The following R3HDM1 variants were observed in gnomAD, a reference collection of about 807,000 sequenced individuals.
R3HDM1 encodes R3H domain-containing protein 1.
R3HDM1 carries 46 observed loss-of-function variants against 141.1 expected under a neutral mutation model. The ratio of observed to expected loss-of-function variants is 0.33; its 90% CI spans 0.26 to 0.42. The LOEUF is 0.42. Ranked by LOEUF, R3HDM1 falls within the 10% of genes least tolerant of loss-of-function variation. The pLI is 1.00. For synonymous variants in R3HDM1, 435 were observed against 472.9 expected, an observed-to-expected ratio of 0.92 and a Z score of 1.04; for missense variants, 1,184 against 1,368.3, an observed-to-expected ratio of 0.87 and a Z score of 2.12.
intron 21 of R3HDM1, among the ~76,000 whole-genome samples, chr2:135,687,562 A>G (rs999966388): frequency 6.6e-6 from 1 of 150,454 alleles, no homozygotes; most frequent in Non-Finnish European, 1.5e-5. Flanking sequence ...TCCAAAAAGC[A>G]AGTATGAAAG....
chr2:135,679,066 CTTTTTTTTTT>C (rs141175748), intron 20 of R3HDM1, among the ~76,000 whole-genome samples: 25 of 70,588 alleles, frequency 3.5e-4, no homozygotes, highest in African/African-American at 1.2e-3. Flanking sequence ...GCCCGGCTTT[CTTTTTTTTTT>C]TTTTTTTTTT....
intron 7 of R3HDM1, chr2:135,623,112 G>C: frequency 7.9e-6 from 7 of 891,506 alleles, no homozygotes; most frequent in Non-Finnish European, 9.4e-6. Flanking sequence ...TAAATGCAAA[G>C]TTTTTGTTCC....
At chr2:135,578,308 A>G (rs1241810582) in intron 1 of R3HDM1, among the ~76,000 whole-genome samples, 2 of 152,214 alleles carry the variant, frequency 1.3e-5, no homozygotes, top group African/African-American at 4.8e-5. Context: ...CACAGATGTC[A>G]ACTTAATGTG....
intron 1 of R3HDM1, among the ~76,000 whole-genome samples, chr2:135,543,963 A>C (rs1453502302): frequency 1.3e-5 from 2 of 152,238 alleles, no homozygotes; most frequent in African/African-American, 4.8e-5. Flanking sequence ...AAACTCAGAG[A>C]CCTAATTGAA....
chr2:135,661,188 C>T (rs2066656875), intron 18 of R3HDM1, 82 bp from the exon 19 acceptor site: 1 of 1,510,132 alleles, frequency 6.6e-7, no homozygotes, highest in Non-Finnish European at 9.1e-7. Flanking sequence ...AATTATTACT[C>T]ATTAAACTCT....
intron 7 of R3HDM1, among the ~76,000 whole-genome samples, chr2:135,629,542 C>T (rs1015481752): frequency 4.6e-5 from 7 of 151,928 alleles, no homozygotes; most frequent in African/African-American, 1.7e-4. Context: ...GTTCAAATAA[C>T]TATATATGAC....
In R3HDM1 at chr2:135,635,933, G is replaced by A. The variant is rs1228301178; in HGVS notation, c.742G>A (p.Glu248Lys). The change falls in exon 10 of 27, where the codon GAA becomes AAA. Residue 248 changes from glutamate (E) to lysine (K), a missense_variant. Glu to Lys is a moderately conservative substitution (Grantham distance 56). Transcript: ENST00000683871. ...FNEHIKDDKG[E>K]DFQKRYILKR... ...TGAACATATTAAGGATGATAAAGGT[G>A]AAGACTTTCAGAAACGTTATATCCT... 1 of 1,610,396 alleles carries A rather than the reference G, an allele frequency of 6.2e-7. No individual in the cohort carries two copies. Among genetic ancestry groups the A allele is most frequent in the East Asian group, 2.2e-5 (1 of 44,746 alleles).
chr2:135,610,511 G>A (rs1478272098), intron 3 of R3HDM1, among the ~76,000 whole-genome samples: 1 of 152,184 alleles, frequency 6.6e-6, no homozygotes. Context: ...ATCAAGATGA[G>A]ACTCTTATGT....
At chr2:135,687,985 C>T (rs557670142) in intron 21 of R3HDM1, among the ~76,000 whole-genome samples, 1 of 152,248 alleles carries the variant, frequency 6.6e-6, no homozygotes, top group African/African-American at 2.4e-5. Flanking sequence ...ATTTGTAACC[C>T]CTAAATTGAT....
At chr2:135,589,059 A>T (rs995700475) in intron 1 of R3HDM1, among the ~76,000 whole-genome samples, 1 of 152,158 alleles carries the variant, frequency 6.6e-6, no homozygotes, top group African/African-American at 2.4e-5. Context: ...CTCATTTAGC[A>T]TTTACGTGTT....
At chr2:135,629,098 C>T (rs1002591546) in intron 7 of R3HDM1, among the ~76,000 whole-genome samples, 6 of 152,008 alleles carry the variant, frequency 3.9e-5, no homozygotes, top group African/African-American at 1.4e-4. Flanking sequence ...GGGTGGATCA[C>T]CTTAGGTCGG....
At chr2:135,714,270 A>AT (rs1193619059) in intron 23 of R3HDM1, among the ~76,000 whole-genome samples, 1 of 152,212 alleles carries the variant, frequency 6.6e-6, no homozygotes, top group Non-Finnish European at 1.5e-5. Flanking sequence ...AGAAGGACAC[A>AT]TTACTTCTCT....
intron 19 of R3HDM1, among the ~76,000 whole-genome samples, chr2:135,675,090 C>A (rs1390798095): frequency 6.6e-6 from 1 of 151,938 alleles, no homozygotes; most frequent in Non-Finnish European, 1.5e-5. Context: ...AAGTGTGTGA[C>A]CCTATAATCT....
intron 9 of R3HDM1, among the ~76,000 whole-genome samples, chr2:135,635,383 T>A (rs2105229276): frequency 6.6e-6 from 1 of 152,332 alleles, no homozygotes; most frequent in African/African-American, 2.4e-5. Context: ...TATGGCTTAA[T>A]CATATGCCTG....
chr2:135,667,165 T>C (rs1485250524), intron 19 of R3HDM1: 8 of 976,034 alleles, frequency 8.2e-6, no homozygotes, highest in African/African-American at 1.8e-5. Flanking sequence ...GCCTGTTCAA[T>C]ACTTTTGTGC....
At chr2:135,617,237 A>G (rs1340407225) in intron 5 of R3HDM1, among the ~76,000 whole-genome samples, 1 of 151,896 alleles carries the variant, frequency 6.6e-6, no homozygotes, top group East Asian at 1.9e-4. Flanking sequence ...TGAGGCAGGA[A>G]AATGGTGTGA....
chr2:135,586,512 T>C (rs955571162), intron 1 of R3HDM1: 1 of 171,542 alleles, frequency 5.8e-6, no homozygotes, highest in Non-Finnish European at 1.2e-5. Context: ...TGAAGGTATG[T>C]GACTCAATTC....
At chr2:135,699,320 A>G (rs973040869) in intron 21 of R3HDM1, among the ~76,000 whole-genome samples, 1 of 152,018 alleles carries the variant, frequency 6.6e-6, no homozygotes, top group South Asian at 2.1e-4. Flanking sequence ...TCCTTTTTTG[A>G]TTGAAAGATA....
intron 1 of R3HDM1, among the ~76,000 whole-genome samples, chr2:135,561,534 T>C (rs1470129781): frequency 6.6e-6 from 1 of 152,004 alleles, no homozygotes; most frequent in Non-Finnish European, 1.5e-5. Context: ...CTGGGCAACA[T>C]GGCAAAAACC....
Sources: allele counts gnomAD v4.1 joint callset (sites outside exome capture counted in the v4.1 genomes callset), GRCh38; gene constraint gnomAD v4.1.1; transcripts MANE v1.5; gene names NCBI Gene and HGNC (gene_info 2026-07-23, HGNC 2026-07-21).